Variants in UGT1A9 observed in about 807,000 individuals in gnomAD.
The protein encoded by UGT1A9 is UDP glucuronosyltransferase family 1 member A9.
Under a neutral mutation model 45.0 loss-of-function variants are expected in UGT1A9, and 35 were observed. That is an observed-to-expected ratio of 0.78 (90% confidence interval 0.59 to 1.03). The LOEUF is 1.03. UGT1A9 is among the 50% of genes least tolerant of loss of function. UGT1A9 has a pLI of 0.00. For missense variants in UGT1A9, 687 were observed against 666.6 expected (o/e 1.03, Z -0.34); for synonymous variants, 278 against 250.6 (o/e 1.11, Z -1.03).
intron 1 of UGT1A9, chr2:233,752,460 T>C (rs1356858435): frequency 1.3e-5 from 2 of 152,236 alleles, no homozygotes; most frequent in African/African-American, 4.8e-5. Flanking sequence ...TACCCACATA[T>C]AGGCCTCTAG....
chr2:233,771,098 A>C (rs1387885615), intron 4 of UGT1A9: 1 of 152,210 alleles, frequency 6.6e-6, no homozygotes, highest in Non-Finnish European at 1.5e-5. Flanking sequence ...TATCAGGAAG[A>C]CAGCACTAAA....
intron 1 of UGT1A9, among the ~76,000 whole-genome samples, chr2:233,683,437 G>T (rs192559785): frequency 4.6e-5 from 7 of 152,160 alleles, no homozygotes; most frequent in South Asian, 2.1e-4. Context: ...GCAATAATAA[G>T]AATTCTTGTA....
rs535794871 is a variant in UGT1A9, at chr2:233,717,576, G to C, written c.855+44787G>C. On this transcript the variant is annotated intron_variant, in intron 1 of 4. Coordinates refer to ENST00000354728, the MANE Select transcript of UGT1A9 (RefSeq NM_021027.3). ...AATGGCAGACATGGCCAGGCATGTA[G>C]ACACAGAGGTAGTGAGATGGAAAGT... Among the ~76,000 whole-genome samples, 4 of 152,362 alleles carry C rather than the reference G, an allele frequency of 2.6e-5. No homozygotes were observed. In the East Asian group the frequency reaches 7.7e-4, roughly 29 times the overall value.
At chr2:233,685,284 C>T (rs1269793027) in intron 1 of UGT1A9, among the ~76,000 whole-genome samples, 4 of 152,274 alleles carry the variant, frequency 2.6e-5, no homozygotes, top group Non-Finnish European at 4.4e-5. Flanking sequence ...CCGCCCGCCT[C>T]CGCCTTTCAA....
At chr2:233,737,382 C>T (rs751071024) in intron 1 of UGT1A9, among the ~76,000 whole-genome samples, 21 of 152,224 alleles carry the variant, frequency 1.4e-4, no homozygotes, top group Non-Finnish European at 2.6e-4. Flanking sequence ...GAGAGAATCT[C>T]CTTGTCTGCC....
chr2:233,673,893 C>T lies in UGT1A9; in HGVS notation c.855+1104C>T, dbSNP rs537937244. Among the ~76,000 whole-genome samples the T allele has an allele frequency of 2.4e-4, 37 of 152,286 alleles. No homozygotes were observed. The South Asian group carries it at 7.7e-3, about 32-fold the overall frequency. On this transcript the variant is annotated intron_variant, in intron 1 of 4. Transcript: ENST00000354728. ...ATTCCCTTCTCTGATATTTATACCA[C>T]TTATTTTGCTTTGCTGGAGCTTATA...
chr2:233,754,958 A>G (rs750600568), intron 1 of UGT1A9: 19 of 1,315,144 alleles, frequency 1.4e-5, no homozygotes, highest in South Asian at 1.4e-4. Flanking sequence ...CCCGGCCGCC[A>G]AAGAACTCCC....
chr2:233,729,868 A>G lies in UGT1A9; in HGVS notation c.856-37166A>G, dbSNP rs754430297. ...TCAGAGAGAGGTGTCAGTGGTGGAT[A>G]TTCTCAGTCATGCATCTGTGTGGCT... On this transcript the variant is annotated intron_variant, in intron 1 of 4. Transcript: ENST00000354728. 6.2e-7 allele frequency: 1 copy of G among 1,613,720 alleles called. No homozygotes were observed. Among genetic ancestry groups the G allele is most frequent in the Non-Finnish European group, 8.5e-7 (1 of 1,179,808 alleles).
chr2:233,729,041 C>G, intron 1 of UGT1A9: 1 of 1,605,398 alleles, frequency 6.2e-7, no homozygotes, highest in East Asian at 2.2e-5. Context: ...CTAAGTGGCT[C>G]AGTGACAAGG....
At chr2:233,692,959 A>G (rs372856754) in intron 1 of UGT1A9, 275 of 1,607,534 alleles carry the variant, frequency 1.7e-4, no homozygotes, top group Non-Finnish European at 2.3e-4. Context: ...TGTGATTTGG[A>G]GAGTGAAAAC....
chr2:233,730,030 G>T (rs1248063013), intron 1 of UGT1A9: 4 of 1,613,378 alleles, frequency 2.5e-6, no homozygotes, highest in Non-Finnish European at 3.4e-6. Flanking sequence ...AATGTTCCAG[G>T]CAAAACACTT....
At chr2:233,766,252 C>T (rs1204251588) in intron 1 of UGT1A9, among the ~76,000 whole-genome samples, 7 of 151,626 alleles carry the variant, frequency 4.6e-5, no homozygotes, top group South Asian at 2.1e-4. Flanking sequence ...GGAGTCAGAC[C>T]GCTCAGTGGC....
intron 1 of UGT1A9, among the ~76,000 whole-genome samples, chr2:233,735,057 C>A (rs1430672120): frequency 1.3e-5 from 2 of 152,160 alleles, no homozygotes; most frequent in African/African-American, 4.8e-5. Flanking sequence ...GAGTTCAGGT[C>A]CTGGATATCC....
chr2:233,748,596 G>C (rs905519077), intron 1 of UGT1A9, among the ~76,000 whole-genome samples: 5 of 151,812 alleles, frequency 3.3e-5, no homozygotes, highest in African/African-American at 1.2e-4. Flanking sequence ...CAGTTCAGTG[G>C]AAGTAGAGCA....
At chr2:233,710,732 C>G (rs1375598699) in intron 1 of UGT1A9, among the ~76,000 whole-genome samples, 1 of 152,164 alleles carries the variant, frequency 6.6e-6, no homozygotes, top group Non-Finnish European at 1.5e-5. Context: ...AAAACAACGT[C>G]TTTCAAGGAG....
intron 1 of UGT1A9, chr2:233,743,388 GCA>G (rs1174910431): frequency 8.1e-7 from 1 of 1,233,944 alleles, no homozygotes; most frequent in Non-Finnish European, 1.1e-6. Context: ...CGTAGGACAT[GCA>G]GAAGGAAGAA....
chr2:233,716,171 A>G (rs17868334), intron 1 of UGT1A9, among the ~76,000 whole-genome samples: 15,437 of 152,224 alleles, frequency 0.1, 902 homozygotes, highest in East Asian at 0.2. Flanking sequence ...GCAGTGCAGC[A>G]TCTTCAAGTC....
chr2:233,718,869 C>T (rs1369983099), intron 1 of UGT1A9: 2 of 1,613,908 alleles, frequency 1.2e-6, no homozygotes, highest in Non-Finnish European at 1.7e-6. Flanking sequence ...CACAGGACTG[C>T]TGCTCCTCCT....
At chr2:233,719,858 C>A (rs368218473) in intron 1 of UGT1A9, among the ~76,000 whole-genome samples, 1 of 152,098 alleles carries the variant, frequency 6.6e-6, no homozygotes, top group East Asian at 1.9e-4. Flanking sequence ...TTTCAGTGGT[C>A]ACTGAGAGGA....
Sources: gnomAD v4.1 joint callset for allele counts (sites outside exome capture counted in the v4.1 genomes callset) on GRCh38, gnomAD v4.1.1 for gene constraint, MANE v1.5 for transcripts, NCBI Gene and HGNC (gene_info 2026-07-23, HGNC 2026-07-21) for gene names.